Variants in ADAMTS2 observed in about 807,000 individuals in gnomAD.
The protein encoded by ADAMTS2 is A disintegrin and metalloproteinase with thrombospondin motifs 2.
ADAMTS2 carries 50 observed loss-of-function variants against 123.0 expected under a neutral mutation model. That is an observed-to-expected ratio of 0.41 (90% CI 0.32 to 0.51). The LOEUF is 0.51. Ranked by LOEUF, ADAMTS2 falls within the 20% of genes least tolerant of loss-of-function variation. The pLI, the probability that ADAMTS2 is intolerant of heterozygous loss-of-function variation, is 0.35. For synonymous variants in ADAMTS2, 678 were observed against 695.4 expected (o/e 0.98, Z 0.39); for missense variants, 1,494 against 1,705.2 (o/e 0.88, Z 2.18).
At chr5:179,333,745 G>A (rs559900771) in intron 2 of ADAMTS2, among the ~76,000 whole-genome samples, 59 of 151,992 alleles carry the variant, frequency 3.9e-4, no homozygotes, top group African/African-American at 1.4e-3. Context: ...GACTACAGGC[G>A]TGTGCCACCA....
chr5:179,208,636 G>C (rs1355845471), intron 3 of ADAMTS2, among the ~76,000 whole-genome samples: 2 of 152,188 alleles, frequency 1.3e-5, no homozygotes, highest in Non-Finnish European at 2.9e-5. Flanking sequence ...CCAGGCTTCA[G>C]TTCCCAGCCC....
chr5:179,319,528 T>G (rs1214372446), intron 2 of ADAMTS2, among the ~76,000 whole-genome samples: 1 of 152,002 alleles, frequency 6.6e-6, no homozygotes, highest in Non-Finnish European at 1.5e-5. Context: ...TGCTCACACA[T>G]CAGCCACACA....
intron 3 of ADAMTS2, among the ~76,000 whole-genome samples, chr5:179,218,955 C>T (rs1765064192): frequency 6.6e-6 from 1 of 152,194 alleles, no homozygotes; most frequent in South Asian, 2.1e-4. Flanking sequence ...CCTCACAGAG[C>T]CACCTGGGGT....
intron 3 of ADAMTS2, among the ~76,000 whole-genome samples, chr5:179,217,007 A>G (rs1024040390): frequency 1.3e-5 from 2 of 152,196 alleles, no homozygotes; most frequent in African/African-American, 4.8e-5. Flanking sequence ...CCCATGGGCC[A>G]TTGTTCGGCC....
At chr5:179,342,150 GAACT>G (rs1757793159) in intron 2 of ADAMTS2, among the ~76,000 whole-genome samples, 1 of 152,150 alleles carries the variant, frequency 6.6e-6, no homozygotes, top group Non-Finnish European at 1.5e-5. Context: ...ATCACCAAAT[GAACT>G]GCTGAATGAA....
chr5:179,343,601 T>C (rs1757843115), intron 2 of ADAMTS2, among the ~76,000 whole-genome samples, 166 bp downstream of exon 2: 1 of 152,180 alleles, frequency 6.6e-6, no homozygotes, highest in Non-Finnish European at 1.5e-5. Flanking sequence ...ACAACCTGCT[T>C]TCCAGCCAAG....
In ADAMTS2 at chr5:179,189,901, C is replaced by T. The variant is rs972366444; in HGVS notation, c.892-8746G>A. 6.7e-6 allele frequency among the ~76,000 whole-genome samples: 1 copy of T among 149,610 alleles called. No homozygotes were observed. The highest frequency in any genetic ancestry group is 1.5e-5 in the Non-Finnish European group (1 of 67,610). ...AGTAGATTCACAAGGGCGGGTCCGG[C>T]GGGGGCGGGTGGCAATATCACAAAG... On this transcript the variant is annotated intron_variant, in intron 4 of 21. Transcript: ENST00000251582. This position sits in a 1 kb window ranked among gnomAD's most constrained non-coding sequence, Gnocchi z 4.2.
intron 10 of ADAMTS2, among the ~76,000 whole-genome samples, chr5:179,143,431 A>G (rs942732305): frequency 7.2e-6 from 1 of 138,948 alleles, no homozygotes; most frequent in South Asian, 2.1e-4. Flanking sequence ...TCTGTCTCGA[A>G]AAAAAAAAAA....
chr5:179,231,261 G>A (rs907359860), intron 3 of ADAMTS2, among the ~76,000 whole-genome samples: 6 of 152,194 alleles, frequency 3.9e-5, no homozygotes, highest in Admixed American at 3.9e-4. Context: ...GGGAGTTGCT[G>A]TTCAATGGGT....
At chr5:179,116,101 C>T (rs989396860) in intron 21 of ADAMTS2, among the ~76,000 whole-genome samples, 2 of 152,136 alleles carry the variant, frequency 1.3e-5, no homozygotes, top group African/African-American at 4.8e-5. Context: ...TAGACACTCT[C>T]AGATATGCCC....
At chr5:179,182,580 G>A (rs1256295099) in intron 4 of ADAMTS2, among the ~76,000 whole-genome samples, 2 of 152,098 alleles carry the variant, frequency 1.3e-5, no homozygotes, top group Admixed American at 6.5e-5. Flanking sequence ...CGCTGGCATC[G>A]GTGCTGGGAA....
intron 3 of ADAMTS2, 115 bp from the exon 4 acceptor site, chr5:179,207,830 GTAT>G (rs1181488749): frequency 3.3e-6 from 3 of 913,102 alleles, no homozygotes; most frequent in East Asian, 2.6e-5. Context: ...TGAACCGAGG[GTAT>G]TATTCCATTT....
rs780916466 is a variant in ADAMTS2 at position 179,129,900 on chromosome 5, C to T, written c.2457+32G>A. 17 of 1,612,916 alleles carry T rather than the reference C, an allele frequency of 1.1e-5. No homozygotes were observed. The highest frequency in any genetic ancestry group is 3.4e-6 in the Non-Finnish European group (4 of 1,179,922). On this transcript the variant is annotated intron_variant, in intron 16 of 21. Coordinates refer to ENST00000251582, the MANE Select transcript of ADAMTS2 (RefSeq NM_014244.5). This position sits in a 1 kb window ranked among gnomAD's most constrained non-coding sequence, Gnocchi z 4.1. The stretch of plus-strand genomic sequence containing the variant: ...TCCCTCCCCCAGTGGCCACCCGCAC[C>T]CTTCCCTGGGCCCAGCCCTGCTTGG...
At chr5:179,142,169 G>C (rs1297390097) in intron 10 of ADAMTS2, among the ~76,000 whole-genome samples, 1 of 152,280 alleles carries the variant, frequency 6.6e-6, no homozygotes, top group Non-Finnish European at 1.5e-5. Flanking sequence ...TCATGTCTAA[G>C]GGCACTGTCA....
At chr5:179,235,093 A>G (rs543885186) in intron 3 of ADAMTS2, among the ~76,000 whole-genome samples, 9 of 152,320 alleles carry the variant, frequency 5.9e-5, no homozygotes, top group Middle Eastern at 3.4e-3. Flanking sequence ...CCCAGCTCCC[A>G]GCTCGTTAGG....
intron 4 of ADAMTS2, among the ~76,000 whole-genome samples, chr5:179,206,745 G>A (rs1048431435): frequency 6.6e-6 from 1 of 152,230 alleles, no homozygotes; most frequent in Non-Finnish European, 1.5e-5. Context: ...GCAGAGAGAG[G>A]AAAGGTCTGC....
chr5:179,244,886 T>C (rs1765747940), intron 3 of ADAMTS2, among the ~76,000 whole-genome samples: 1 of 152,206 alleles, frequency 6.6e-6, no homozygotes, highest in Admixed American at 6.5e-5. Flanking sequence ...TTTTTCAGCT[T>C]CTTTAAGCAT....
intron 3 of ADAMTS2, among the ~76,000 whole-genome samples, chr5:179,223,161 G>A (rs1308939154): frequency 1.3e-5 from 2 of 152,206 alleles, no homozygotes; most frequent in Non-Finnish European, 2.9e-5. Flanking sequence ...CCACCTCTAG[G>A]AGAGCGCTCT....
At chr5:179,193,233 G>A (rs945622046) in intron 4 of ADAMTS2, among the ~76,000 whole-genome samples, 1 of 152,208 alleles carries the variant, frequency 6.6e-6, no homozygotes, top group African/African-American at 2.4e-5. Context: ...CAGGACGGGA[G>A]CTGGCTGGGG....
Sources: gnomAD v4.1 joint callset for allele counts (sites outside exome capture counted in the v4.1 genomes callset) on GRCh38, gnomAD v4.1.1 for gene constraint, Gnocchi (gnomAD v3.1) non-coding constraint, MANE v1.5 for transcripts, NCBI Gene and HGNC (gene_info 2026-07-23, HGNC 2026-07-21) for gene names.